The following COCH variants were observed in gnomAD, a reference collection of about 807,000 sequenced individuals.
COCH encodes cochlin.
In COCH, 40 loss-of-function variants were observed where a neutral mutation model predicts 54.8. The observed-to-expected ratio is 0.73, with a 90% CI of 0.57 to 0.95. The LOEUF is 0.95. Ranked by LOEUF, COCH falls within the 40% of genes least tolerant of loss-of-function variation. The probability of loss-of-function intolerance (pLI) is 0.00; values close to 1 mark genes in which losing one functional copy is unlikely to be tolerated. For missense variants in COCH, 605 were observed against 675.0 expected, an observed-to-expected ratio of 0.90 and a Z score of 1.15; for synonymous variants, 256 against 237.9, an observed-to-expected ratio of 1.08 and a Z score of -0.70.
At chr14:30,893,275 T>C (rs979394901), downstream of COCH, among the ~76,000 whole-genome samples, 4 of 150,368 alleles carry the variant, frequency 2.7e-5, no homozygotes, top group Middle Eastern at 3.5e-3. Flanking sequence ...GCCTCCCGAG[T>C]AGCTGGGACC....
downstream of COCH, among the ~76,000 whole-genome samples, chr14:30,892,650 A>C (rs970865584): frequency 1.3e-5 from 2 of 152,158 alleles, no homozygotes; most frequent in South Asian, 2.1e-4. Context: ...TCTACTAAAA[A>C]TACAAAATTA....
downstream of COCH, among the ~76,000 whole-genome samples, chr14:30,892,002 G>T (rs1472424305): frequency 6.6e-6 from 1 of 152,124 alleles, no homozygotes; most frequent in Non-Finnish European, 1.5e-5. Context: ...TCTTCAACAG[G>T]TAAGTTACCT....
intron 3 of COCH, 146 bp downstream of exon 3, chr14:30,875,249 C>T: frequency 8.7e-7 from 1 of 1,143,408 alleles, no homozygotes; most frequent in Non-Finnish European, 1.2e-6. Context: ...GTGGCGCGCC[C>T]GCGTTAACCC....
downstream of COCH, among the ~76,000 whole-genome samples, chr14:30,892,104 CTATT>C (rs66567677): frequency 0.3 from 46,176 of 151,732 alleles, 8,680 homozygotes; most frequent in Non-Finnish European, 0.41. Flanking sequence ...GTATAAAGTA[CTATT>C]TAATAGTGAA....
chr14:30,881,978 A>AAAAT (rs141793202), intron 8 of COCH, among the ~76,000 whole-genome samples: 1 of 149,750 alleles, frequency 6.7e-6, no homozygotes, highest in Non-Finnish European at 1.5e-5. Flanking sequence ...AATAAAAATA[A>AAAAT]AAATAAATAA....
In COCH at chr14:30,890,583, T is replaced by A; in HGVS notation, c.*792T>A. The A allele has an allele frequency of 2.1e-6, 2 of 972,518 alleles. No homozygotes were observed. The highest frequency in any genetic ancestry group is 2.4e-6 in the Non-Finnish European group (2 of 817,830). The allele number at this position is 972,518 out of a possible 1,614,324, so 60.2% of individuals were successfully genotyped here. On this transcript the variant is annotated 3_prime_UTR_variant, in exon 12 of 12. Transcript: ENST00000396618. ...TGCAGAAAAAATATTGTAGTTTGAATATTTAAGCAATAAAACTGCTAGTGA... is the reference window on the plus strand; with the variant it reads ...TGCAGAAAAAATATTGTAGTTTGAAAATTTAAGCAATAAAACTGCTAGTGA...
intron 11 of COCH, chr14:30,889,044 T>G (rs956998074): frequency 6.5e-6 from 1 of 153,380 alleles, no homozygotes; most frequent in Non-Finnish European, 1.5e-5. Flanking sequence ...TTAGACAGTT[T>G]GCCAATATAA....
intron 6 of COCH, among the ~76,000 whole-genome samples, chr14:30,879,736 T>G (rs1355523230): frequency 6.6e-6 from 1 of 152,176 alleles, no homozygotes; most frequent in African/African-American, 2.4e-5. Flanking sequence ...CTTAACCTCC[T>G]AGGCTCAAGC....
At chr14:30,878,008 A>G (rs1047662815) in intron 4 of COCH, among the ~76,000 whole-genome samples, 1 of 152,226 alleles carries the variant, frequency 6.6e-6, no homozygotes, top group Non-Finnish European at 1.5e-5. Context: ...AGTTATTACT[A>G]TGTGCCACCT....
chr14:30,893,447 C>T (rs761488251), downstream of COCH, among the ~76,000 whole-genome samples: 37 of 152,028 alleles, frequency 2.4e-4, no homozygotes, highest in Non-Finnish European at 4.4e-4. Flanking sequence ...CCACCGCGCC[C>T]GGCCAAAAAC....
downstream of COCH, chr14:30,890,745 T>A (rs1038090163): frequency 3.9e-6 from 1 of 259,148 alleles, no homozygotes; most frequent in Non-Finnish European, 6.0e-6. Flanking sequence ...TTTGATTCAA[T>A]TATTTATTGA....
In COCH at chr14:30,881,158, T is replaced by C. The variant is rs541104610; in HGVS notation, c.629+424T>C. Among the ~76,000 whole-genome samples the C allele has an allele frequency of 4.2e-5, 6 of 143,672 alleles. No individual in the cohort carries two copies. The Admixed American group carries it at 4.5e-4, about 11-fold the overall frequency. The allele number at this position is 143,672 out of a possible 152,430, so 94.3% of individuals were successfully genotyped here. On this transcript the variant is annotated intron_variant, in intron 8 of 11. Transcript: ENST00000396618. Reference sequence around the variant, plus strand: ...TGGACTCGGGAGGCAGAGGTTACAATGAGCCGAGATTGCACCACTGCACTC... The same window carrying C: ...TGGACTCGGGAGGCAGAGGTTACAACGAGCCGAGATTGCACCACTGCACTC...
intron 10 of COCH, 38 bp downstream of exon 10, chr14:30,885,658 G>T: frequency 1.4e-6 from 2 of 1,470,936 alleles, no homozygotes; most frequent in Non-Finnish European, 1.9e-6. Context: ...ACAGTGATGG[G>T]TATTCCATTT....
chr14:30,881,028 C>A (rs1337652652), intron 8 of COCH, among the ~76,000 whole-genome samples: 1 of 151,774 alleles, frequency 6.6e-6, no homozygotes, highest in Non-Finnish European at 1.5e-5. Context: ...CCAGTCTGGC[C>A]AACATGTGAA....
At chr14:30,887,805 G>A (rs1218011055) in intron 11 of COCH, among the ~76,000 whole-genome samples, 1 of 152,190 alleles carries the variant, frequency 6.6e-6, no homozygotes, top group Non-Finnish European at 1.5e-5. Flanking sequence ...TGCAATTTAA[G>A]TTCCACATCT....
chr14:30,895,471 G>C, downstream of COCH: 2 of 1,614,056 alleles, frequency 1.2e-6, no homozygotes, highest in Non-Finnish European at 1.7e-6. Context: ...CTTTTGACGA[G>C]TGGAAAGCAA....
At chr14:30,882,122 T>TTG (rs1895623477) in intron 8 of COCH, among the ~76,000 whole-genome samples, 1 of 92,584 alleles carries the variant, frequency 1.1e-5, no homozygotes, top group Non-Finnish European at 2.2e-5. Flanking sequence ...ATAAAATGGT[T>TTG]TTTTTTTTTT....
chr14:30,895,014 A>G (rs1179617724), downstream of COCH: 4 of 344,038 alleles, frequency 1.2e-5, no homozygotes, highest in Non-Finnish European at 1.8e-5. Context: ...CCCCAACAAG[A>G]GCACCACATT....
chr14:30,880,188 T>G (rs1436165718), intron 6 of COCH, among the ~76,000 whole-genome samples: 2 of 152,172 alleles, frequency 1.3e-5, no homozygotes, highest in Non-Finnish European at 2.9e-5. Flanking sequence ...AACATTAGGA[T>G]TTAATGTTGA....
Sources: allele counts gnomAD v4.1 joint callset (sites outside exome capture counted in the v4.1 genomes callset), GRCh38; gene constraint gnomAD v4.1.1; transcripts MANE v1.5; gene names NCBI Gene and HGNC (gene_info 2026-07-23, HGNC 2026-07-21).